The following SLC1A6 variants were observed in gnomAD, a reference collection of about 807,000 sequenced individuals.
SLC1A6 encodes solute carrier family 1 member 6.
A neutral mutation model predicts 42.1 loss-of-function variants in SLC1A6; 15 were observed. The observed-to-expected ratio is 0.36, with a 90% CI of 0.24 to 0.55. The LOEUF (loss-of-function observed/expected upper bound fraction) is 0.55. Ranked by LOEUF, SLC1A6 falls within the 20% of genes least tolerant of loss-of-function variation. The pLI is 0.88. For missense variants in SLC1A6, 542 were observed against 772.5 expected (o/e 0.70, Z 3.54); for synonymous variants, 317 against 319.7 (o/e 0.99, Z 0.09).
At chr19:15,010,436 C>T (rs376139860) in intron 1 of SLC1A6, 12 of 473,174 alleles carry the variant, frequency 2.5e-5, no homozygotes, top group African/African-American at 7.9e-5. Flanking sequence ...TGGAAGGTAA[C>T]GGCGAGAGGA....
At chr19:14,971,987 C>T in intron 2 of SLC1A6, 113 bp from the exon 3 acceptor site, 1 of 968,090 alleles carries the variant, frequency 1.0e-6, no homozygotes, top group Non-Finnish European at 1.6e-6. Context: ...AGAGAAATAT[C>T]CTATGAGTGT....
upstream of SLC1A6, among the ~76,000 whole-genome samples, chr19:14,984,593 C>G (rs2045784063): frequency 6.6e-6 from 1 of 152,176 alleles, no homozygotes; most frequent in South Asian, 2.1e-4. Flanking sequence ...AGTTGCAATG[C>G]AGAATTGGAA....
rs1321540612 is a variant in SLC1A6 at position 15,010,183 on chromosome 19, G to A, written c.6+302C>T. On this transcript the variant is annotated intron_variant, in intron 1 of 8. Transcript: ENST00000430939. ...CCCAGACGACAGTGCAAGACTCTAT[G>A]AAAAAAAAAAAAAAGAAAGAAAGAA... Among the ~76,000 whole-genome samples, 607 of 73,832 alleles carry A rather than the reference G, an allele frequency of 8.2e-3. 8 individuals are homozygous for A. Among genetic ancestry groups the A allele is most frequent in the African/African-American group, 0.039 (573 of 14,638 alleles). The allele number at this position is 73,832 out of a possible 152,430, so 48.4% of individuals were successfully genotyped here.
intron 1 of SLC1A6, among the ~76,000 whole-genome samples, chr19:14,978,434 G>A (rs114295918): frequency 1.3e-3 from 199 of 151,836 alleles, no homozygotes; most frequent in African/African-American, 4.6e-3. Flanking sequence ...ACATAACCTC[G>A]AAAACCTCTT....
At chr19:14,971,660 G>T in intron 3 of SLC1A6, 77 bp downstream of exon 3, 2 of 1,437,024 alleles carry the variant, frequency 1.4e-6, no homozygotes, top group Non-Finnish European at 1.9e-6. Context: ...TCCCATGCTT[G>T]GGATGGCCTT....
upstream of SLC1A6, among the ~76,000 whole-genome samples, chr19:14,982,787 G>A (rs2045774494): frequency 6.6e-6 from 1 of 152,008 alleles, no homozygotes; most frequent in African/African-American, 2.4e-5. Flanking sequence ...CTTTATATAG[G>A]TTATAGCTAT....
chr19:14,959,950 T>C (rs1259399163), intron 6 of SLC1A6, among the ~76,000 whole-genome samples: 1 of 152,220 alleles, frequency 6.6e-6, no homozygotes, highest in Non-Finnish European at 1.5e-5. Flanking sequence ...TGTGTTATAT[T>C]GATCTACAAT....
chr19:15,010,372 T>C, intron 1 of SLC1A6: 2 of 377,440 alleles, frequency 5.3e-6, no homozygotes, highest in Non-Finnish European at 1.1e-5. Flanking sequence ...AGTCCCAAGC[T>C]TCCAAGTGTG....
chr19:14,950,317 G>T lies in SLC1A6; in HGVS notation c.1573C>A (p.Arg525=), dbSNP rs139973118. The part of the protein sequence containing the change: ...GAAVIEHLSQ[R]ELELQEAELT... The stretch of plus-strand genomic sequence containing the variant: ...TCAGCTTCCTGAAGCTCCAGCTCCC[G>T]CTGAGACAAGTGCTCGATGACGGCC... Residue 525 remains arginine (R), a synonymous_variant, in exon 10 of 10, where the codon CGG becomes AGG. Transcript: ENST00000594383. 2 of 1,611,796 alleles carry T rather than the reference G, an allele frequency of 1.2e-6. No individual in the cohort carries two copies. Among genetic ancestry groups the T allele is most frequent in the South Asian group, 1.1e-5 (1 of 90,438 alleles).
At chr19:15,004,967 C>A (rs1403096895) in intron 1 of SLC1A6, among the ~76,000 whole-genome samples, 1 of 152,140 alleles carries the variant, frequency 6.6e-6, no homozygotes, top group Non-Finnish European at 1.5e-5. Context: ...TGAATGGTTC[C>A]TTCCAGACAG....
intron 1 of SLC1A6, among the ~76,000 whole-genome samples, chr19:15,010,183 G>GAAA (rs34036436): frequency 2.7e-5 from 2 of 73,914 alleles, no homozygotes; most frequent in African/African-American, 6.8e-5. Context: ...AAGACTCTAT[G>GAAA]AAAAAAAAAA....
At chr19:14,993,298 A>T (rs11085928) in intron 1 of SLC1A6, among the ~76,000 whole-genome samples, 3 of 151,802 alleles carry the variant, frequency 2.0e-5, no homozygotes, top group African/African-American at 2.4e-5. Context: ...GGCAATGGTG[A>T]GTGACTGCTG....
chr19:14,970,599 T>C (rs2045628344), intron 3 of SLC1A6, among the ~76,000 whole-genome samples: 1 of 151,596 alleles, frequency 6.6e-6, no homozygotes, highest in Non-Finnish European at 1.5e-5. Flanking sequence ...TAGTTCCAGC[T>C]ACTCAGGAGG....
chr19:15,005,202 G>T (rs748890521), intron 1 of SLC1A6, among the ~76,000 whole-genome samples: 11 of 150,796 alleles, frequency 7.3e-5, no homozygotes, highest in African/African-American at 1.2e-4. Flanking sequence ...CAAAGTTGCA[G>T]TGAGCCATGA....
intron 6 of SLC1A6, among the ~76,000 whole-genome samples, chr19:14,960,520 T>C (rs946223509): frequency 2.6e-5 from 4 of 152,122 alleles, no homozygotes; most frequent in Non-Finnish European, 1.5e-5. Context: ...AAGAGATACA[T>C]GGGGAAGTAA....
intron 6 of SLC1A6, among the ~76,000 whole-genome samples, chr19:14,958,283 C>T (rs1022419394): frequency 5.3e-5 from 8 of 151,892 alleles, no homozygotes; most frequent in Non-Finnish European, 8.8e-5. Context: ...TGGTAGTGCA[C>T]ACCTGTAGTC....
At chr19:15,010,225 G>A (rs151252466) in intron 1 of SLC1A6, among the ~76,000 whole-genome samples, 3 of 89,834 alleles carry the variant, frequency 3.3e-5, no homozygotes, top group African/African-American at 1.0e-4. Context: ...AAGAGAGAGA[G>A]AGAAAAGAAA....
chr19:14,950,427 G>A, intron 9 of SLC1A6, 37 bp from the exon 10 acceptor site: 1 of 1,458,200 alleles, frequency 6.9e-7, no homozygotes, highest in Non-Finnish European at 9.2e-7. Context: ...ATTAATGGGG[G>A]CTTGAAAAGC....
At chr19:14,994,822 G>A (rs9789287) in intron 1 of SLC1A6, among the ~76,000 whole-genome samples, 32,339 of 151,968 alleles carry the variant, frequency 0.21, 3,958 homozygotes, top group East Asian at 0.47. Flanking sequence ...TTTAGAAGAG[G>A]AAGAAGAAAA....
Sources: gnomAD v4.1 joint callset for allele counts (sites outside exome capture counted in the v4.1 genomes callset) on GRCh38, gnomAD v4.1.1 for gene constraint, MANE v1.5 for transcripts, NCBI Gene and HGNC (gene_info 2026-07-23, HGNC 2026-07-21) for gene names.